SMYD3: variants seen among roughly 807,000 people sequenced by gnomAD.
SMYD3 encodes histone-lysine N-methyltransferase SMYD3.
Under a neutral mutation model 57.7 loss-of-function variants are expected in SMYD3, and 36 were observed. The observed-to-expected ratio is 0.62, with a 90% CI of 0.48 to 0.82. The LOEUF (loss-of-function observed/expected upper bound fraction) is 0.82. SMYD3 is among the 40% of genes least tolerant of loss of function. The pLI is 0.00. For missense variants in SMYD3, 515 were observed against 538.8 expected (o/e 0.96, Z 0.44); for synonymous variants, 211 against 195.0 (o/e 1.08, Z -0.68).
At chr1:246,499,535 C>A (rs981096026) in intron 1 of SMYD3, among the ~76,000 whole-genome samples, 2 of 151,958 alleles carry the variant, frequency 1.3e-5, no homozygotes, top group Admixed American at 6.6e-5. Flanking sequence ...CAGCTCACTG[C>A]AGCCTCCACC....
chr1:245,839,626 A>G (rs1419165771), intron 10 of SMYD3, among the ~76,000 whole-genome samples: 2 of 141,906 alleles, frequency 1.4e-5, no homozygotes, highest in African/African-American at 5.5e-5. Context: ...GTGATGATGG[A>G]TACGCAACTA....
At chr1:246,006,746 G>A (rs183119823) in intron 5 of SMYD3, among the ~76,000 whole-genome samples, 18 of 152,054 alleles carry the variant, frequency 1.2e-4, no homozygotes, top group Non-Finnish European at 1.6e-4. Context: ...AGGGAGGTGA[G>A]CTGTCTCGGA....
chr1:246,147,258 C>T (rs61840386), intron 5 of SMYD3, among the ~76,000 whole-genome samples: 2 of 151,932 alleles, frequency 1.3e-5, no homozygotes, highest in Non-Finnish European at 2.9e-5. Flanking sequence ...CCTTCAGGAA[C>T]GGCAGCAGCT....
At chr1:246,351,806 A>T (rs1406225203) in intron 2 of SMYD3, among the ~76,000 whole-genome samples, 4 of 152,188 alleles carry the variant, frequency 2.6e-5, no homozygotes, top group African/African-American at 9.6e-5. Context: ...TGGTGTTTTT[A>T]TAATAAAAAC....
intron 5 of SMYD3, 154 bp downstream of exon 5, chr1:246,327,047 C>T: frequency 1.2e-6 from 1 of 847,016 alleles, no homozygotes; most frequent in Non-Finnish European, 1.9e-6. Context: ...ACAATACATT[C>T]TCTCATGCTC....
At chr1:245,960,729 A>AAATAAATT (rs1347823806) in intron 5 of SMYD3, among the ~76,000 whole-genome samples, 14 of 151,916 alleles carry the variant, frequency 9.2e-5, no homozygotes, top group African/African-American at 3.4e-4. Context: ...CTCTGTCTCT[A>AAATAAATT]AATAAATAAA....
At chr1:245,808,079 G>A (rs1303086400) in intron 10 of SMYD3, among the ~76,000 whole-genome samples, 1 of 152,138 alleles carries the variant, frequency 6.6e-6, no homozygotes, top group East Asian at 1.9e-4. Context: ...AACCCAGGAC[G>A]GCCCCCAGCA....
chr1:245,794,535 C>T (rs924387915), intron 10 of SMYD3, among the ~76,000 whole-genome samples: 3 of 152,154 alleles, frequency 2.0e-5, no homozygotes, highest in Non-Finnish European at 4.4e-5. Context: ...CCACTCAGTA[C>T]TTGGGGGTAT....
At chr1:246,483,210 T>C (rs2068135097) in intron 1 of SMYD3, among the ~76,000 whole-genome samples, 1 of 152,244 alleles carries the variant, frequency 6.6e-6, no homozygotes, top group Non-Finnish European at 1.5e-5. Context: ...TTTCAATTGA[T>C]GTGCCTGAAC....
At chr1:246,086,581 G>A (rs1211824719) in intron 5 of SMYD3, among the ~76,000 whole-genome samples, 1 of 148,498 alleles carries the variant, frequency 6.7e-6, no homozygotes, top group Non-Finnish European at 1.5e-5. Flanking sequence ...TTAGATTTCA[G>A]TAAAATAGTT....
intron 8 of SMYD3, among the ~76,000 whole-genome samples, chr1:245,882,512 TG>T (rs774365342): frequency 1.2e-4 from 18 of 152,092 alleles, no homozygotes; most frequent in Non-Finnish European, 2.5e-4. Context: ...TTCAATCATG[TG>T]GGGGTGAGGG....
intron 5 of SMYD3, among the ~76,000 whole-genome samples, chr1:246,284,646 G>A (rs1283497125): frequency 6.6e-6 from 1 of 152,024 alleles, no homozygotes; most frequent in Non-Finnish European, 1.5e-5. Flanking sequence ...TCGATCTCCT[G>A]ACCTCGTGAT....
rs571100429 is a variant in SMYD3 at position 246,331,173 on chromosome 1, C to G, written c.337-636G>C. ...AGGAGAAGGACAAATCGGGAGCCTA[C>G]AATAATTTGAGAAAGATATTCACAC... On this transcript the variant is annotated intron_variant, in intron 3 of 11. Coordinates refer to ENST00000490107, the MANE Select transcript of SMYD3 (RefSeq NM_001167740.2). 9.9e-5 allele frequency among the ~76,000 whole-genome samples: 15 copies of G among 152,076 alleles called. No homozygotes were observed. The South Asian group carries it at 3.1e-3, about 32-fold the overall frequency.
At chr1:246,058,305 G>A (rs533562403) in intron 5 of SMYD3, among the ~76,000 whole-genome samples, 99 of 152,240 alleles carry the variant, frequency 6.5e-4, no homozygotes, top group Non-Finnish European at 5.0e-4. Context: ...GAATGAGGGA[G>A]GCTGTGTGTT....
At chr1:246,115,253 G>T (rs1360482796) in intron 5 of SMYD3, among the ~76,000 whole-genome samples, 1 of 152,190 alleles carries the variant, frequency 6.6e-6, no homozygotes, top group Non-Finnish European at 1.5e-5. Context: ...AGAGTTAGAG[G>T]TAACAGTAGC....
intron 5 of SMYD3, among the ~76,000 whole-genome samples, chr1:245,983,732 T>C (rs2058646740): frequency 6.6e-6 from 1 of 152,152 alleles, no homozygotes; most frequent in African/African-American, 2.4e-5. Flanking sequence ...AAAAGCCCCA[T>C]TGAAACCACA....
At chr1:246,312,938 C>T (rs66988228) in intron 5 of SMYD3, among the ~76,000 whole-genome samples, 49,761 of 151,720 alleles carry the variant, frequency 0.33, 9,042 homozygotes, top group East Asian at 0.69. Flanking sequence ...TTTTTGAGAC[C>T]GAGTCTCGCT....
intron 10 of SMYD3, among the ~76,000 whole-genome samples, chr1:245,826,098 T>A (rs1363421880): frequency 6.6e-6 from 1 of 150,936 alleles, no homozygotes; most frequent in Non-Finnish European, 1.5e-5. Flanking sequence ...GGTTTTAAGG[T>A]GTACAGTTCA....
At chr1:245,862,416 G>A (rs535906699) in intron 9 of SMYD3, among the ~76,000 whole-genome samples, 8 of 151,998 alleles carry the variant, frequency 5.3e-5, no homozygotes, top group Admixed American at 2.6e-4. Context: ...TTTTTGATCC[G>A]AATAGAAATT....
Sources: gnomAD v4.1 joint callset for allele counts (sites outside exome capture counted in the v4.1 genomes callset) on GRCh38, gnomAD v4.1.1 for gene constraint, MANE v1.5 for transcripts, NCBI Gene and HGNC (gene_info 2026-07-23, HGNC 2026-07-21) for gene names.